The following ASIC2 variants were observed in gnomAD, a reference collection of about 807,000 sequenced individuals.
ASIC2 encodes acid sensing ion channel subunit 2.
In ASIC2, 25 loss-of-function variants were observed where a neutral mutation model predicts 57.3. That is an observed-to-expected ratio of 0.44 (90% confidence interval 0.32 to 0.61). ASIC2 has a LOEUF of 0.61. ASIC2 is among the 20% of genes least tolerant of loss of function. The pLI is 0.06. For missense variants in ASIC2, 641 were observed against 738.1 expected, an observed-to-expected ratio of 0.87 and a Z score of 1.52; for synonymous variants, 319 against 307.5, an observed-to-expected ratio of 1.04 and a Z score of -0.39.
intron 1 of ASIC2, among the ~76,000 whole-genome samples, chr17:33,898,244 T>TTTTTTTG: frequency 1.2e-5 from 1 of 85,780 alleles, no homozygotes; most frequent in African/African-American, 4.8e-5. Flanking sequence ...TTTTTTTTTT[T>TTTTTTTG]TTTTTTTTTG....
chr17:33,346,135 T>C (rs970721221), intron 1 of ASIC2, among the ~76,000 whole-genome samples: 1 of 141,688 alleles, frequency 7.1e-6, no homozygotes, highest in African/African-American at 2.6e-5. Context: ...GCTGAGGCAC[T>C]AGAATTGCTT....
At chr17:33,235,916 G>A (rs1211843650) in intron 1 of ASIC2, among the ~76,000 whole-genome samples, 2 of 151,190 alleles carry the variant, frequency 1.3e-5, no homozygotes, top group Non-Finnish European at 3.0e-5. Context: ...AGCTCACTGC[G>A]ACCTCCTCCT....
At chr17:34,029,789 T>C (rs1327895899) in intron 1 of ASIC2, among the ~76,000 whole-genome samples, 4 of 152,226 alleles carry the variant, frequency 2.6e-5, no homozygotes, top group African/African-American at 9.7e-5. Flanking sequence ...ACTTACAGCC[T>C]CTAGAACTGT....
chr17:33,789,781 G>T (rs2048269552), intron 1 of ASIC2, among the ~76,000 whole-genome samples: 1 of 152,076 alleles, frequency 6.6e-6, no homozygotes, highest in African/African-American at 2.4e-5. Context: ...TATGGATTTT[G>T]GTCACTTCTG....
chr17:34,090,372 C>T (rs1421025063), intron 1 of ASIC2, among the ~76,000 whole-genome samples: 1 of 151,752 alleles, frequency 6.6e-6, no homozygotes, highest in African/African-American at 2.4e-5. Flanking sequence ...AAGTCAGCTG[C>T]AGACCTGGTG....
chr17:34,124,868 T>C (rs1348352417), intron 1 of ASIC2, among the ~76,000 whole-genome samples: 2 of 151,998 alleles, frequency 1.3e-5, no homozygotes, highest in South Asian at 4.1e-4. Context: ...CACCTCCTTA[T>C]ATCATCATAT....
At chr17:33,984,304 T>C (rs1905733379) in intron 1 of ASIC2, 1 of 152,198 alleles carries the variant, frequency 6.6e-6, no homozygotes, top group African/African-American at 2.4e-5. Flanking sequence ...GTGGGGCTTG[T>C]TGGTGCTTCA....
rs567441322 is a variant in ASIC2, at chr17:33,827,432, C to T, written c.555+328546G>A. 1.2e-4 allele frequency among the ~76,000 whole-genome samples: 18 copies of T among 146,778 alleles called. No homozygotes were observed. In the South Asian group the frequency reaches 1.3e-3, roughly 11 times the overall value. ...CTGCAAGCTCTGCCTCCCAGGTTCA[C>T]GCCGTTCTCCTGCCTCAGCCTCCCA... On this transcript the variant is annotated intron_variant, in intron 1 of 9. Transcript: ENST00000359872.
At chr17:33,558,616 A>G (rs1414477098) in intron 1 of ASIC2, among the ~76,000 whole-genome samples, 1 of 152,228 alleles carries the variant, frequency 6.6e-6, no homozygotes, top group East Asian at 1.9e-4. Context: ...TGAGGGCCAG[A>G]TAGTAAACAT....
At chr17:33,952,376 T>C (rs1158467696) in intron 1 of ASIC2, among the ~76,000 whole-genome samples, 2 of 152,234 alleles carry the variant, frequency 1.3e-5, no homozygotes, top group South Asian at 2.1e-4. Context: ...TGCGGTGCTA[T>C]GTGATCCTAG....
At chr17:33,516,865 T>G (rs770206300) in intron 1 of ASIC2, among the ~76,000 whole-genome samples, 6 of 152,210 alleles carry the variant, frequency 3.9e-5, no homozygotes, top group Non-Finnish European at 8.8e-5. Context: ...TCCTGTTTCC[T>G]GTCTGTCTTT....
intron 3 of ASIC2, among the ~76,000 whole-genome samples, chr17:33,084,418 G>T (rs980600021): frequency 6.6e-6 from 1 of 152,214 alleles, no homozygotes; most frequent in East Asian, 1.9e-4. Context: ...CTCCCTGTGC[G>T]CTCTCTCCAG....
At chr17:33,636,365 C>T (rs1567675826) in intron 1 of ASIC2, among the ~76,000 whole-genome samples, 1 of 152,172 alleles carries the variant, frequency 6.6e-6, no homozygotes, top group Non-Finnish European at 1.5e-5. Context: ...ATCAGCATGA[C>T]GTGCCTTAGG....
chr17:33,056,573 C>T (rs551952551), intron 3 of ASIC2, among the ~76,000 whole-genome samples: 1 of 152,204 alleles, frequency 6.6e-6, no homozygotes, highest in East Asian at 1.9e-4. Context: ...GCCTGACATC[C>T]CCACTGTAAT....
intron 1 of ASIC2, among the ~76,000 whole-genome samples, chr17:33,413,508 G>A (rs1261959019): frequency 3.9e-5 from 6 of 152,152 alleles, no homozygotes; most frequent in South Asian, 4.1e-4. Context: ...AGCCACTGCC[G>A]TTTCTCACCA....
chr17:33,120,688 A>C (rs910988889), intron 1 of ASIC2, among the ~76,000 whole-genome samples: 4 of 152,224 alleles, frequency 2.6e-5, no homozygotes, highest in Non-Finnish European at 5.9e-5. Flanking sequence ...TGGGGGAAGA[A>C]GGTTGACAGG....
chr17:33,579,735 C>A (rs995003846), intron 1 of ASIC2, among the ~76,000 whole-genome samples: 1 of 152,104 alleles, frequency 6.6e-6, no homozygotes, highest in Non-Finnish European at 1.5e-5. Flanking sequence ...GTAGTGCGGA[C>A]CCAAACACTA....
intron 1 of ASIC2, among the ~76,000 whole-genome samples, chr17:33,562,394 C>A (rs1345689202): frequency 1.3e-5 from 2 of 152,166 alleles, no homozygotes; most frequent in Non-Finnish European, 2.9e-5. Context: ...TATACAGAGC[C>A]TCAGAGATTT....
In ASIC2 at chr17:33,112,051, CCAT is replaced by C; in HGVS notation, c.722_724del (p.Tyr241_Gly242delinsTrp). On this transcript the variant is annotated inframe_deletion, in exon 2 of 10. Coordinates refer to ENST00000225823, the MANE Select transcript of ASIC2 (RefSeq NM_183377.2). The stretch of plus-strand genomic sequence containing the variant: ...GCCTGAGTTAAACATGTAACACTTC[CCAT>C]ATTTTGTAAACACCTGAAGGAGAGA... 1 of 1,613,434 alleles carries C rather than the reference CCAT, an allele frequency of 6.2e-7. No individual in the cohort carries two copies. Among genetic ancestry groups the C allele is most frequent in the Non-Finnish European group, 8.5e-7 (1 of 1,179,738 alleles).
Sources: gnomAD v4.1 joint callset for allele counts (sites outside exome capture counted in the v4.1 genomes callset) on GRCh38, gnomAD v4.1.1 for gene constraint, MANE v1.5 for transcripts, NCBI Gene and HGNC (gene_info 2026-07-23, HGNC 2026-07-21) for gene names.